Variants in GOLGB1 observed in about 807,000 individuals in gnomAD.
The protein encoded by GOLGB1 is golgin subfamily B member 1.
A neutral mutation model predicts 336.9 loss-of-function variants in GOLGB1; 174 were observed. The ratio of observed to expected loss-of-function variants is 0.52; its 90% CI spans 0.46 to 0.59. GOLGB1 has a LOEUF of 0.59. Among genes scored for constraint, GOLGB1 ranks in the 20% least tolerant of loss-of-function variants. The pLI, the probability that GOLGB1 is intolerant of heterozygous loss-of-function variation, is 0.00. For missense variants in GOLGB1, 3,331 were observed against 3,645.3 expected, an observed-to-expected ratio of 0.91 and a Z score of 2.22; for synonymous variants, 1,208 against 1,289.2, an observed-to-expected ratio of 0.94 and a Z score of 1.35.
chr3:121,678,233 T>C (rs1940653887), intron 15 of GOLGB1, among the ~76,000 whole-genome samples: 2 of 152,214 alleles, frequency 1.3e-5, no homozygotes, highest in African/African-American at 2.4e-5. Flanking sequence ...AGATGTTAAA[T>C]ATGAAAATCT....
chr3:121,690,676 GTC>G lies in GOLGB1; in HGVS notation c.8686_8687del (p.Asp2896GlnfsTer17). On this transcript the variant is annotated frameshift_variant, in exon 14 of 22. Transcript: ENST00000614479. LOFTEE classifies it high-confidence loss of function. The stretch of plus-strand genomic sequence containing the variant: ...GAAAGAACTAGCTACTCACTAGTCT[GTC>G]TCTGTCATTTTGGAGTGAAGACATA... Reference protein sequence around the residue: ...KAMSSLQNDRDRLLKELKNLQ... With the variant: ...KAMSSLQNDRXRLLKELKNLQ... The G allele has an allele frequency of 6.7e-7, 1 of 1,484,930 alleles. No homozygotes were observed. Among genetic ancestry groups the G allele is most frequent in the Non-Finnish European group, 9.0e-7 (1 of 1,108,856 alleles). 92.0% of individuals were successfully genotyped at this position (1,484,930 alleles called of 1,614,324 possible).
At chr3:121,722,057 G>A (rs182912919) in intron 6 of GOLGB1, among the ~76,000 whole-genome samples, 354 of 152,258 alleles carry the variant, frequency 2.3e-3, no homozygotes, top group Non-Finnish European at 3.8e-3. Context: ...ACATTGTGAG[G>A]TTTTCTGGTG....
At chr3:121,746,166 CTTA>C (rs1947272128) in intron 1 of GOLGB1, among the ~76,000 whole-genome samples, 1 of 152,134 alleles carries the variant, frequency 6.6e-6, no homozygotes, top group Non-Finnish European at 1.5e-5. Flanking sequence ...TTATTTCATG[CTTA>C]TTTAGTTAAG....
intron 1 of GOLGB1, chr3:121,749,198 C>T (rs1391983399): frequency 1.3e-5 from 2 of 152,282 alleles, no homozygotes; most frequent in African/African-American, 4.8e-5. Context: ...CCCTTCGGGA[C>T]ACCAAGTTTG....
chr3:121,718,495 T>G lies in GOLGB1; in HGVS notation c.778A>C (p.Arg260=). Residue 260 remains arginine, a synonymous_variant, in exon 8 of 22, where the codon AGG becomes CGG. Transcript: ENST00000614479. ...DVETEMQQKL[R]VLQRKLEEHE... ...TCCTCAAGCTTCCTTTGCAGCACCC[T>G]CAATTTCTGAGAAGAAAACATTTTA... The G allele has an allele frequency of 6.2e-7, 1 of 1,607,146 alleles. No individual in the cohort carries two copies.
At chr3:121,730,482 A>C (rs1444286619) in intron 2 of GOLGB1, among the ~76,000 whole-genome samples, 1 of 152,156 alleles carries the variant, frequency 6.6e-6, no homozygotes. Flanking sequence ...TACAAACTAT[A>C]GGAGAAGTGG....
In GOLGB1 at chr3:121,695,209, C is replaced by T. The variant is rs1400836728; in HGVS notation, c.5314G>A (p.Val1772Ile). 1.9e-6 allele frequency: 3 copies of T among 1,613,468 alleles called. No individual in the cohort carries two copies. Among genetic ancestry groups the T allele is most frequent in the Admixed American group, 1.7e-5 (1 of 60,004 alleles). ...GCCTCTAGGTTAGCTTGTTTAGATA[C>T]ATTACCTTCTATCTGATGCTTTAAA... Reference protein sequence around the residue: ...QDLKHQIEGNVSKQANLEATE... With the variant: ...QDLKHQIEGNISKQANLEATE... The change falls in exon 13 of 22, where the codon GTA (valine) becomes ATA (isoleucine). Residue 1772 changes from valine (V) to isoleucine (I), a missense_variant. Transcript: ENST00000614479.
At chr3:121,715,850 GGT>G (rs1252218261) in intron 9 of GOLGB1, among the ~76,000 whole-genome samples, 1 of 152,108 alleles carries the variant, frequency 6.6e-6, no homozygotes, top group Non-Finnish European at 1.5e-5. Flanking sequence ...AAATTAGCCA[GGT>G]GTGGTGGTGC....
In GOLGB1 at chr3:121,683,081, T is replaced by TTTTTTC. The variant is rs1553856330; in HGVS notation, c.8695-1217_8695-1216insGAAAAA. Among the ~76,000 whole-genome samples the TTTTTTC allele has an allele frequency of 1.6e-5, 2 of 125,280 alleles. 1 individual carries two copies. The highest frequency in any genetic ancestry group is 3.3e-5 in the Non-Finnish European group (2 of 60,458). 82.2% of individuals were successfully genotyped at this position (125,280 alleles called of 152,430 possible). On this transcript the variant is annotated intron_variant, in intron 14 of 21. Coordinates refer to ENST00000614479, the MANE Select transcript of GOLGB1 (RefSeq NM_001366282.2). ...TTTTTTTTTTTTTTTTTTTTTTTTT[T>TTTTTTC]TGGAGAGACGGAGTCTCAGTATGTT...
intron 5 of GOLGB1, among the ~76,000 whole-genome samples, chr3:121,725,594 T>G (rs1483919906): frequency 6.6e-6 from 1 of 152,078 alleles, no homozygotes; most frequent in Non-Finnish European, 1.5e-5. Context: ...ATGCAATTAA[T>G]GTATTTGTAT....
At chr3:121,677,588 A>G in intron 15 of GOLGB1, 138 bp from the exon 16 acceptor site, 2 of 621,270 alleles carry the variant, frequency 3.2e-6, no homozygotes, top group Non-Finnish European at 5.5e-6. Flanking sequence ...GCTAAGAAAA[A>G]GGTGGAAAGA....
In GOLGB1 at chr3:121,695,480, T is replaced by C. The variant is rs1304116547; in HGVS notation, c.5043A>G (p.Glu1681=). The C allele has an allele frequency of 1.2e-6, 2 of 1,614,000 alleles. No individual in the cohort carries two copies. Among genetic ancestry groups the C allele is most frequent in the Non-Finnish European group, 1.7e-6 (2 of 1,180,030 alleles). Residue 1681 remains glutamate (E), a synonymous_variant, in exon 13 of 22, where the codon GAA becomes GAG. Coordinates refer to ENST00000614479, the MANE Select transcript of GOLGB1 (RefSeq NM_001366282.2). ...EAEQEMEEMK[E]KMRKFAKSKQ... Reference sequence around the variant, plus strand: ...TAGATTTAGCAAACTTTCTCATCTTTTCTTTCATTTCCTCCATTTCTTGCT... The same window carrying C: ...TAGATTTAGCAAACTTTCTCATCTTCTCTTTCATTTCCTCCATTTCTTGCT...
At chr3:121,724,518 T>C (rs1945416496) in intron 5 of GOLGB1, among the ~76,000 whole-genome samples, 1 of 151,894 alleles carries the variant, frequency 6.6e-6, no homozygotes, top group Non-Finnish European at 1.5e-5. Context: ...TGCTATGTGG[T>C]TACTTCTATC....
chr3:121,733,085 A>C (rs2108314980), intron 1 of GOLGB1, among the ~76,000 whole-genome samples: 1 of 152,250 alleles, frequency 6.6e-6, no homozygotes, highest in East Asian at 1.9e-4. Context: ...GCACTTTGGG[A>C]GGCCAGGGCG....
chr3:121,739,547 G>T (rs1946711337), intron 1 of GOLGB1, among the ~76,000 whole-genome samples: 1 of 151,632 alleles, frequency 6.6e-6, no homozygotes, highest in Non-Finnish European at 1.5e-5. Flanking sequence ...AAATCATTTT[G>T]GAAATGAAGA....
chr3:121,749,925 T>A (rs958894805), upstream of GOLGB1, among the ~76,000 whole-genome samples: 3 of 151,396 alleles, frequency 2.0e-5, no homozygotes, highest in African/African-American at 7.3e-5. Flanking sequence ...CCCTAAAGAG[T>A]GAATGAGGGG....
intron 14 of GOLGB1, among the ~76,000 whole-genome samples, chr3:121,687,966 T>C (rs1306503106): frequency 6.6e-6 from 1 of 152,174 alleles, no homozygotes; most frequent in Non-Finnish European, 1.5e-5. Context: ...TATGTGTATG[T>C]TGGAAGTAAA....
chr3:121,705,860 G>A (rs181007714), intron 10 of GOLGB1, among the ~76,000 whole-genome samples: 1 of 152,294 alleles, frequency 6.6e-6, no homozygotes, highest in Admixed American at 6.5e-5. Flanking sequence ...ACACTTCTCA[G>A]GGCATTGAGT....
chr3:121,709,473 T>A (rs1278393708), intron 10 of GOLGB1, among the ~76,000 whole-genome samples: 2 of 152,174 alleles, frequency 1.3e-5, no homozygotes, highest in African/African-American at 4.8e-5. Context: ...ATAAAACATA[T>A]TCTCTGATCA....
Sources: gnomAD v4.1 joint callset for allele counts (sites outside exome capture counted in the v4.1 genomes callset) on GRCh38, gnomAD v4.1.1 for gene constraint, MANE v1.5 for transcripts, NCBI Gene and HGNC (gene_info 2026-07-23, HGNC 2026-07-21) for gene names.